The following WDPCP variants were observed in gnomAD, a reference collection of about 807,000 sequenced individuals.
The protein encoded by WDPCP is WD repeat-containing and planar cell polarity effector protein fritz homolog.
WDPCP carries 71 observed loss-of-function variants against 93.1 expected under a neutral mutation model. That is an observed-to-expected ratio of 0.76 (90% CI 0.63 to 0.93). The LOEUF (loss-of-function observed/expected upper bound fraction) is 0.93. WDPCP is among the 40% of genes least tolerant of loss of function. The pLI is 0.00. For missense variants in WDPCP, 844 were observed against 887.4 expected (o/e 0.95, Z 0.62); for synonymous variants, 315 against 315.0 (o/e 1.00, Z 0.00).
chr2:63,536,971 T>C (rs1045129858), intron 1 of WDPCP, among the ~76,000 whole-genome samples: 5 of 152,088 alleles, frequency 3.3e-5, no homozygotes, highest in Non-Finnish European at 5.9e-5. Flanking sequence ...TTTCGCCATG[T>C]TGGCCTGGCT....
At chr2:63,326,667 A>C (rs918800434) in intron 12 of WDPCP, among the ~76,000 whole-genome samples, 3 of 138,800 alleles carry the variant, frequency 2.2e-5, no homozygotes, top group South Asian at 2.6e-4. Flanking sequence ...ACAGAGAGAC[A>C]GAGAGAGAGA....
intron 2 of WDPCP, among the ~76,000 whole-genome samples, chr2:63,781,848 A>G (rs1575771705): frequency 6.6e-6 from 1 of 151,718 alleles, no homozygotes; most frequent in Non-Finnish European, 1.5e-5. Context: ...GGACCCAGGA[A>G]CTCTCCCTCA....
chr2:63,624,553 C>G (rs929860353), intron 3 of WDPCP, among the ~76,000 whole-genome samples: 12 of 152,200 alleles, frequency 7.9e-5, no homozygotes, highest in Non-Finnish European at 1.8e-4. Context: ...CTATAAACAT[C>G]TCTGTGTAAA....
intron 1 of WDPCP, among the ~76,000 whole-genome samples, chr2:63,585,253 T>C (rs1295006972): frequency 6.6e-6 from 1 of 152,210 alleles, no homozygotes; most frequent in African/African-American, 2.4e-5. Flanking sequence ...AAAGTGAATG[T>C]AATAATTATT....
chr2:63,542,852 C>T (rs565280783), intron 1 of WDPCP, among the ~76,000 whole-genome samples: 1 of 152,218 alleles, frequency 6.6e-6, no homozygotes, highest in Non-Finnish European at 1.5e-5. Context: ...AGGAAAACAC[C>T]TCTTCCCTTC....
At chr2:63,657,572 A>C (rs1238948253) in intron 2 of WDPCP, among the ~76,000 whole-genome samples, 2 of 152,236 alleles carry the variant, frequency 1.3e-5, no homozygotes, top group East Asian at 3.9e-4. Flanking sequence ...GGGAAGAGGA[A>C]TATTTAAAGG....
intron 2 of WDPCP, among the ~76,000 whole-genome samples, chr2:63,782,817 C>T (rs1356300672): frequency 6.7e-6 from 1 of 149,880 alleles, no homozygotes; most frequent in Non-Finnish European, 1.5e-5. Flanking sequence ...AAAAGGACAA[C>T]CTGGAGCCAT....
At chr2:63,563,721 G>C (rs1706810645) in intron 1 of WDPCP, among the ~76,000 whole-genome samples, 1 of 151,882 alleles carries the variant, frequency 6.6e-6, no homozygotes, top group Non-Finnish European at 1.5e-5. Context: ...AGTGCAAAAG[G>C]ACTGTGGCCT....
chr2:63,378,136 T>A (rs1485456680), intron 12 of WDPCP: 1 of 481,908 alleles, frequency 2.1e-6, no homozygotes, highest in Non-Finnish European at 3.7e-6. Flanking sequence ...TGACTTTACA[T>A]AGCTTTCATA....
intron 6 of WDPCP, among the ~76,000 whole-genome samples, chr2:63,459,953 C>T (rs1254772500): frequency 6.6e-6 from 1 of 151,826 alleles, no homozygotes; most frequent in East Asian, 1.9e-4. Flanking sequence ...GGAGATCTAC[C>T]ATACAATCCA....
At chr2:63,833,529 C>A in the WDPCP span, among the ~76,000 whole-genome samples, 9 of 152,304 alleles carry the variant, frequency 5.9e-5, no homozygotes, top group African/African-American at 1.9e-4. Context: ...CCAACGAACC[C>A]TTACATGATG....
chr2:63,587,948 A>G (rs1319123366), intron 1 of WDPCP, among the ~76,000 whole-genome samples: 1 of 152,266 alleles, frequency 6.6e-6, no homozygotes, highest in African/African-American at 2.4e-5. Context: ...CCTACAAAGT[A>G]AATGCTCAAT....
chr2:63,673,035 G>A (rs576533358), intron 2 of WDPCP, among the ~76,000 whole-genome samples: 14 of 152,164 alleles, frequency 9.2e-5, no homozygotes, highest in African/African-American at 3.4e-4. Flanking sequence ...TTACAGGTGT[G>A]AGCCATTGCT....
intron 6 of WDPCP, among the ~76,000 whole-genome samples, chr2:63,463,331 T>C (rs1407570469): frequency 3.9e-5 from 6 of 152,096 alleles, no homozygotes; most frequent in Non-Finnish European, 8.8e-5. Context: ...AGTTGGTGAA[T>C]GCTGAGTAAG....
intron 6 of WDPCP, among the ~76,000 whole-genome samples, chr2:63,471,463 T>C (rs1399472236): frequency 3.3e-5 from 5 of 152,190 alleles, no homozygotes; most frequent in Admixed American, 2.6e-4. Flanking sequence ...GAATTTTTAA[T>C]TGGTTATATT....
At chr2:63,727,495 G>A (rs560528713) in intron 2 of WDPCP, among the ~76,000 whole-genome samples, 3 of 152,222 alleles carry the variant, frequency 2.0e-5, no homozygotes, top group Admixed American at 6.5e-5. Flanking sequence ...AGGGATATTG[G>A]CCTGAATTTT....
In WDPCP at chr2:63,615,107, AAAGC is replaced by A. The variant is rs538748036; in HGVS notation, n.488+35548_488+35551del. ...CTCGGCAGAACTTCCCTTCTAACAA[AAAGC>A]AGCCCAGGAAATCACTTACCTTTTA... is the stretch of plus-strand genomic sequence containing the variant. On this transcript the variant is annotated intron_variant and non_coding_transcript_variant, in intron 3 of 4. Transcript: ENST00000467687. Among the ~76,000 whole-genome samples the A allele has an allele frequency of 2.7e-3, 411 of 152,302 alleles. 2 individuals are homozygous for A. Among genetic ancestry groups the A allele is most frequent in the Admixed American group, 7.3e-3 (111 of 15,302 alleles).
intron 2 of WDPCP, among the ~76,000 whole-genome samples, chr2:63,810,917 T>C (rs1161579292): frequency 6.6e-6 from 1 of 152,228 alleles, no homozygotes; most frequent in African/African-American, 2.4e-5. Flanking sequence ...TGGACTGATG[T>C]GCTTTCCAGA....
In WDPCP at chr2:63,718,105, T is replaced by G. The variant is rs185958107; in HGVS notation, n.309-67267A>C. Among the ~76,000 whole-genome samples the G allele has an allele frequency of 1.4e-4, 21 of 152,170 alleles. No homozygotes were observed. The East Asian group carries it at 2.9e-3, about 21-fold the overall frequency. On this transcript the variant is annotated intron_variant and non_coding_transcript_variant, in intron 2 of 4. Coordinates refer to the WDPCP transcript ENST00000467687. Reference sequence around the variant, plus strand: ...TGATCCCATATATATGATAAATATATGATATGATATATATGATATATATAT... The same window carrying G: ...TGATCCCATATATATGATAAATATAGGATATGATATATATGATATATATAT...
Sources: allele counts gnomAD v4.1 joint callset (sites outside exome capture counted in the v4.1 genomes callset), GRCh38; gene constraint gnomAD v4.1.1; transcripts MANE v1.5; gene names NCBI Gene and HGNC (gene_info 2026-07-23, HGNC 2026-07-21).